DNAJC7: variants seen among roughly 807,000 people sequenced by gnomAD.
The protein encoded by DNAJC7 is dnaJ homolog subfamily C member 7.
DNAJC7 carries 18 observed loss-of-function variants against 67.4 expected under a neutral mutation model. The ratio of observed to expected loss-of-function variants is 0.27; its 90% CI spans 0.18 to 0.40. The LOEUF is 0.40. DNAJC7 is among the 10% of genes least tolerant of loss of function. The pLI, the probability that DNAJC7 is intolerant of heterozygous loss-of-function variation, is 1.00. For synonymous variants in DNAJC7, 220 were observed against 207.8 expected (o/e 1.06, Z -0.50); for missense variants, 419 against 613.8 (o/e 0.68, Z 3.35).
At chr17:41,990,440 A>G (rs2051485361) in intron 5 of DNAJC7, 58 bp from the exon 6 acceptor site, 4 of 1,442,694 alleles carry the variant, frequency 2.8e-6, no homozygotes, top group Non-Finnish European at 3.8e-6. Flanking sequence ...AAACATCTTC[A>G]CTTTAGTTTA....
chr17:41,997,455 G>A (rs1379535617), intron 2 of DNAJC7, among the ~76,000 whole-genome samples: 1 of 151,848 alleles, frequency 6.6e-6, no homozygotes, highest in African/African-American at 2.4e-5. Context: ...AAAATAGCTG[G>A]GCGTGGTGGT....
chr17:42,017,234 G>A (rs2052327949), intron 1 of DNAJC7, 106 bp downstream of exon 1: 10 of 1,599,690 alleles, frequency 6.3e-6, no homozygotes, highest in South Asian at 3.3e-5. Flanking sequence ...GTTTGCGGAG[G>A]GCGGGGCATC....
At chr17:41,982,215 G>A (rs782033856) in intron 11 of DNAJC7, 40 bp downstream of exon 11, 53 of 1,611,842 alleles carry the variant, frequency 3.3e-5, no homozygotes, top group African/African-American at 1.1e-4. Flanking sequence ...CCTGCCCTGC[G>A]GGTTCTTCCC....
chr17:42,006,712 C>T (rs2051967479), intron 1 of DNAJC7, among the ~76,000 whole-genome samples: 1 of 148,954 alleles, frequency 6.7e-6, no homozygotes, highest in South Asian at 2.1e-4. Flanking sequence ...CAGGAGAATC[C>T]CTTGAACCCA....
chr17:41,996,176 A>G, intron 4 of DNAJC7, 135 bp downstream of exon 4: 1 of 749,754 alleles, frequency 1.3e-6, no homozygotes, highest in Non-Finnish European at 2.2e-6. Flanking sequence ...TAGAGAGGCT[A>G]TGAAACTCGC....
intron 1 of DNAJC7, among the ~76,000 whole-genome samples, chr17:42,007,923 G>A (rs1489483066): frequency 1.5e-5 from 2 of 131,114 alleles, no homozygotes; most frequent in African/African-American, 5.8e-5. Context: ...TCAGCTCACC[G>A]CAACCTCCGC....
chr17:41,978,302 T>C (rs2051144841), intron 12 of DNAJC7, among the ~76,000 whole-genome samples: 1 of 152,160 alleles, frequency 6.6e-6, no homozygotes, highest in South Asian at 2.1e-4. Flanking sequence ...GTTTCTCTGC[T>C]TGCATCTGTG....
intron 3 of DNAJC7, 87 bp from the exon 4 acceptor site, chr17:41,996,511 C>A: frequency 8.1e-7 from 1 of 1,237,600 alleles, no homozygotes; most frequent in South Asian, 1.3e-5. Flanking sequence ...CACACAAAAC[C>A]AACACAGAGG....
chr17:41,989,144 T>C (rs1405975676), intron 7 of DNAJC7, among the ~76,000 whole-genome samples: 1 of 152,224 alleles, frequency 6.6e-6, no homozygotes, highest in African/African-American at 2.4e-5. Context: ...GGACAAGTAT[T>C]ACTATCTATC....
At chr17:42,011,078 A>C (rs1306643345) in intron 1 of DNAJC7, 4 of 152,226 alleles carry the variant, frequency 2.6e-5, no homozygotes, top group African/African-American at 9.6e-5. Context: ...TAACTTCCAC[A>C]TCACTCAGTG....
At chr17:42,002,853 A>G (rs553119484) in intron 1 of DNAJC7, among the ~76,000 whole-genome samples, 1 of 152,348 alleles carries the variant, frequency 6.6e-6, no homozygotes, top group South Asian at 2.1e-4. Context: ...TACACCCCAC[A>G]TGTAATATTC....
At chr17:41,994,150 A>G (rs1278956935) in intron 5 of DNAJC7, among the ~76,000 whole-genome samples, 9 of 152,102 alleles carry the variant, frequency 5.9e-5, no homozygotes, top group African/African-American at 2.2e-4. Context: ...AGCCTGACCA[A>G]CATGGTGAAA....
At position 42,007,027 on chromosome 17, in the gene DNAJC7, G is replaced by A. The variant is rs527695925; in HGVS notation, c.78-6457C>T. On this transcript the variant is annotated intron_variant, in intron 1 of 13. Coordinates refer to ENST00000457167, the MANE Select transcript of DNAJC7 (RefSeq NM_003315.4). ...TGAGGCAGGAGAATGGTGTGAACCC[G>A]GGAGATGGAGCTTGCGGTGAGCTGA... Among the ~76,000 whole-genome samples, 22 of 148,916 alleles carry A rather than the reference G, an allele frequency of 1.5e-4. No homozygotes were observed. The East Asian group carries it at 3.0e-3, about 20-fold the overall frequency.
intron 5 of DNAJC7, among the ~76,000 whole-genome samples, chr17:41,992,366 G>T (rs1319948563): frequency 6.6e-6 from 1 of 151,884 alleles, no homozygotes; most frequent in African/African-American, 2.4e-5. Flanking sequence ...TAAAGACAGG[G>T]TTTCTCCATG....
At chr17:41,991,820 C>T (rs1364574566) in intron 5 of DNAJC7, among the ~76,000 whole-genome samples, 3 of 152,162 alleles carry the variant, frequency 2.0e-5, no homozygotes, top group Non-Finnish European at 4.4e-5. Flanking sequence ...GTTGGGACTG[C>T]AGGCACACGT....
At chr17:41,976,991 T>C (rs886483794) in intron 13 of DNAJC7, 46 of 643,630 alleles carry the variant, frequency 7.1e-5, no homozygotes, top group Non-Finnish European at 1.3e-5. Context: ...TATAGTACCT[T>C]TGCTCTTGCA....
chr17:42,006,661 G>A (rs1200714466), intron 1 of DNAJC7, among the ~76,000 whole-genome samples: 7 of 150,594 alleles, frequency 4.6e-5, no homozygotes. Context: ...GCCGGGCGTG[G>A]TGGCATGCAC....
At chr17:41,978,905 G>C (rs184309929) in intron 12 of DNAJC7, among the ~76,000 whole-genome samples, 41 of 152,002 alleles carry the variant, frequency 2.7e-4, no homozygotes, top group African/African-American at 9.4e-4. Flanking sequence ...CTCTTCACTA[G>C]TTTTTGACTG....
At chr17:42,010,027 A>G (rs1223794530) in intron 1 of DNAJC7, among the ~76,000 whole-genome samples, 2 of 152,224 alleles carry the variant, frequency 1.3e-5, no homozygotes, top group East Asian at 3.9e-4. Context: ...CTGTAGTCCC[A>G]GCTACTCAGG....
Sources: gnomAD v4.1 joint callset for allele counts (sites outside exome capture counted in the v4.1 genomes callset) on GRCh38, gnomAD v4.1.1 for gene constraint, MANE v1.5 for transcripts, NCBI Gene and HGNC (gene_info 2026-07-23, HGNC 2026-07-21) for gene names.